ANO4: variants seen among roughly 807,000 people sequenced by gnomAD.
The protein encoded by ANO4 is anoctamin-4.
In ANO4, 69 loss-of-function variants were observed where a neutral mutation model predicts 141.9. That is an observed-to-expected ratio of 0.49 (90% confidence interval 0.40 to 0.59). ANO4 has a LOEUF of 0.59. Among genes scored for constraint, ANO4 ranks in the 20% least tolerant of loss-of-function variants. ANO4 has a pLI of 0.00. For missense variants in ANO4, 894 were observed against 1,162.2 expected (o/e 0.77, Z 3.36); for synonymous variants, 350 against 394.3 (o/e 0.89, Z 1.33).
At chr12:101,082,439 G>A (rs939125556) in intron 15 of ANO4, among the ~76,000 whole-genome samples, 2 of 152,174 alleles carry the variant, frequency 1.3e-5, no homozygotes, top group Non-Finnish European at 2.9e-5. Context: ...CTGTCTCCAT[G>A]ATTGGCCTTA....
chr12:100,867,213 T>C (rs750094663), intron 1 of ANO4, among the ~76,000 whole-genome samples: 11 of 152,172 alleles, frequency 7.2e-5, no homozygotes, highest in Non-Finnish European at 1.0e-4. Context: ...AGTTTATGAC[T>C]CTTGCTTAAC....
intron 3 of ANO4, among the ~76,000 whole-genome samples, chr12:100,765,533 T>C (rs2033038733): frequency 6.6e-6 from 1 of 151,758 alleles, no homozygotes; most frequent in Non-Finnish European, 1.5e-5. Context: ...CATAGGCTAC[T>C]ATGCCTGGCT....
intron 15 of ANO4, among the ~76,000 whole-genome samples, chr12:101,080,900 T>TACAC (rs1555296592): frequency 1.6e-3 from 214 of 131,004 alleles, no homozygotes; most frequent in Middle Eastern, 3.9e-3. Context: ...TATATATATA[T>TACAC]ACATACACAT....
intron 2 of ANO4, among the ~76,000 whole-genome samples, chr12:100,912,579 C>T (rs960569381): frequency 2.6e-4 from 39 of 151,420 alleles, no homozygotes; most frequent in South Asian, 6.3e-4. Context: ...GTTTTTTCCA[C>T]GGTGTCAACT....
intron 14 of ANO4, among the ~76,000 whole-genome samples, chr12:101,054,965 A>G (rs981595741): frequency 6.6e-6 from 1 of 152,212 alleles, no homozygotes; most frequent in Non-Finnish European, 1.5e-5. Flanking sequence ...AATGCTGTTG[A>G]GATTCATTTA....
chr12:100,761,108 CTTTTCT>C (rs1424415599), intron 3 of ANO4, among the ~76,000 whole-genome samples: 1 of 152,146 alleles, frequency 6.6e-6, no homozygotes, highest in Non-Finnish European at 1.5e-5. Flanking sequence ...TCCATCCCTC[CTTTTCT>C]TTTTCTTTTG....
At chr12:100,743,619 G>T (rs917688253) in intron 3 of ANO4, among the ~76,000 whole-genome samples, 2 of 151,830 alleles carry the variant, frequency 1.3e-5, no homozygotes, top group Admixed American at 6.6e-5. Context: ...CAAAAATAAG[G>T]CATGAAAGGT....
intron 1 of ANO4, among the ~76,000 whole-genome samples, chr12:100,858,115 A>G (rs1454083781): frequency 6.6e-6 from 1 of 151,756 alleles, no homozygotes; most frequent in African/African-American, 2.4e-5. Flanking sequence ...ACAGTCATGT[A>G]TTGCTTAATG....
chr12:101,047,579 A>C (rs1054058919), intron 13 of ANO4, among the ~76,000 whole-genome samples: 17 of 152,142 alleles, frequency 1.1e-4, no homozygotes, highest in Non-Finnish European at 1.8e-4. Flanking sequence ...AAGTACCCCC[A>C]AAAAAGGTTA....
chr12:101,096,639 C>A lies in ANO4; in HGVS notation c.1842C>A (p.Phe614Leu), dbSNP rs1433234975. The change falls in exon 19 of 28, where the codon TTC becomes TTA. Residue 614 changes from phenylalanine to leucine, a missense_variant. Coordinates refer to ENST00000392977, the MANE Select transcript of ANO4 (RefSeq NM_001286615.2). ...LNSSTFYIAF[F>L]LGRFTGHPGA... ...GCTCCACATTTTACATCGCATTCTTCCTCGGAAGGTAAGAACCTGACCCCT... is the reference window on the plus strand; with the variant it reads ...GCTCCACATTTTACATCGCATTCTTACTCGGAAGGTAAGAACCTGACCCCT... 1 of 1,612,620 alleles carries A rather than the reference C, an allele frequency of 6.2e-7. No individual in the cohort carries two copies. The highest frequency in any genetic ancestry group is 8.5e-7 in the Non-Finnish European group (1 of 1,179,044).
intron 8 of ANO4, among the ~76,000 whole-genome samples, chr12:101,016,189 A>T (rs912920402): frequency 3.3e-5 from 5 of 152,160 alleles, no homozygotes; most frequent in African/African-American, 7.2e-5. Flanking sequence ...TAAAGAAACG[A>T]GGTCTATTTT....
intron 22 of ANO4, among the ~76,000 whole-genome samples, chr12:101,108,325 A>C (rs1464990863): frequency 1.3e-5 from 2 of 152,304 alleles, no homozygotes; most frequent in Admixed American, 1.3e-4. Flanking sequence ...GACAGGGGAC[A>C]CCTGGAGGTG....
chr12:101,030,109 T>C (rs2046915924), intron 9 of ANO4, among the ~76,000 whole-genome samples: 1 of 152,114 alleles, frequency 6.6e-6, no homozygotes, highest in South Asian at 2.1e-4. Flanking sequence ...GGACTTGAAC[T>C]CAGCTCTGGA....
At chr12:101,093,715 G>A (rs11837416) in intron 17 of ANO4, among the ~76,000 whole-genome samples, 272 of 152,204 alleles carry the variant, frequency 1.8e-3, no homozygotes, top group African/African-American at 6.2e-3. Context: ...GTGAGTTAAG[G>A]ATGCGTGAGT....
At chr12:101,017,483 CTG>C (rs2046358282) in intron 8 of ANO4, among the ~76,000 whole-genome samples, 1 of 152,158 alleles carries the variant, frequency 6.6e-6, no homozygotes, top group Admixed American at 6.5e-5. Context: ...GCCAGGGCCT[CTG>C]GGGAAGATAT....
In ANO4 at chr12:100,979,327, C is replaced by T. The variant is rs1168751144; in HGVS notation, c.602+4438C>T. On this transcript the variant is annotated intron_variant, in intron 7 of 27. Coordinates refer to ENST00000392977, the MANE Select transcript of ANO4 (RefSeq NM_001286615.2). The stretch of plus-strand genomic sequence containing the variant: ...ATCATCTGGAGGGCTTTTAAAAACA[C>T]GGATCACTGGGCGCATCCCCAGTGT... 2.6e-5 allele frequency among the ~76,000 whole-genome samples: 4 copies of T among 152,068 alleles called. No homozygotes were observed. The South Asian group carries it at 6.2e-4, about 24-fold the overall frequency.
At chr12:100,987,770 G>A in intron 8 of ANO4, 100 bp downstream of exon 8, 3 of 1,474,530 alleles carry the variant, frequency 2.0e-6, no homozygotes, top group Non-Finnish European at 2.7e-6. Flanking sequence ...GGAAGGAACA[G>A]CATAGTGCCC....
intron 5 of ANO4, among the ~76,000 whole-genome samples, chr12:100,969,765 A>G (rs1053777851): frequency 6.6e-6 from 1 of 152,234 alleles, no homozygotes; most frequent in Non-Finnish European, 1.5e-5. Flanking sequence ...AAGTCCTAAC[A>G]TATCTGTCAA....
At chr12:100,880,920 C>T (rs571986774) in intron 1 of ANO4, among the ~76,000 whole-genome samples, 4 of 152,136 alleles carry the variant, frequency 2.6e-5, no homozygotes, top group African/African-American at 9.7e-5. Context: ...ATCTAGTGTA[C>T]TCTTAAAAGG....
Sources: gnomAD v4.1 joint callset for allele counts (sites outside exome capture counted in the v4.1 genomes callset) on GRCh38, gnomAD v4.1.1 for gene constraint, MANE v1.5 for transcripts, NCBI Gene and HGNC (gene_info 2026-07-23, HGNC 2026-07-21) for gene names.